TMC2: variants seen among roughly 807,000 people sequenced by gnomAD.
The protein encoded by TMC2 is transmembrane channel-like protein 2.
TMC2 carries 102 observed loss-of-function variants against 105.9 expected under a neutral mutation model. The ratio of observed to expected loss-of-function variants is 0.96; its 90% CI spans 0.82 to 1.14. TMC2 has a LOEUF of 1.14. Ranked by LOEUF, TMC2 falls within the 50% of genes most tolerant of loss-of-function variation. The probability of loss-of-function intolerance (pLI) is 0.00; values close to 1 mark genes in which losing one functional copy is unlikely to be tolerated. For missense variants in TMC2, 1,093 were observed against 1,134.3 expected (o/e 0.96, Z 0.52); for synonymous variants, 402 against 422.8 (o/e 0.95, Z 0.60).
chr20:2,607,955 T>C (rs954951052), intron 11 of TMC2, among the ~76,000 whole-genome samples: 13 of 151,938 alleles, frequency 8.6e-5, no homozygotes, highest in Admixed American at 7.9e-4. Flanking sequence ...TGAAACCTCG[T>C]CTCTACTAAA....
At chr20:2,640,567 A>G (rs1445216339) in intron 19 of TMC2, among the ~76,000 whole-genome samples, 1 of 152,108 alleles carries the variant, frequency 6.6e-6, no homozygotes, top group Non-Finnish European at 1.5e-5. Flanking sequence ...TGCAAGGGGA[A>G]GAGCTTAGGG....
intron 17 of TMC2, among the ~76,000 whole-genome samples, chr20:2,628,995 G>A (rs909764588): frequency 1.3e-5 from 2 of 151,266 alleles, no homozygotes; most frequent in South Asian, 2.1e-4. Context: ...CCAGCTACTC[G>A]GGAGGCTGAG....
rs1051021722 is a variant in TMC2, at chr20:2,616,605, A to G, written c.1940+401A>G. The stretch of plus-strand genomic sequence containing the variant: ...GAGAAAAGAAGGAAGAGAAGGTGGA[A>G]GGTAAATGAACTATGGAACTCCCTC... On this transcript the variant is annotated intron_variant, in intron 15 of 19. Coordinates refer to ENST00000358864, the MANE Select transcript of TMC2 (RefSeq NM_080751.3). This position sits in a 1 kb window ranked among gnomAD's most constrained non-coding sequence, Gnocchi z 4.8. Among the ~76,000 whole-genome samples, 1 of 152,196 alleles carries G rather than the reference A, an allele frequency of 6.6e-6. No individual in the cohort carries two copies. Among genetic ancestry groups the G allele is most frequent in the African/African-American group, 2.4e-5 (1 of 41,448 alleles).
At chr20:2,613,133 G>T in intron 13 of TMC2, 61 bp from the exon 14 acceptor site, 1 of 1,571,872 alleles carries the variant, frequency 6.4e-7, no homozygotes, top group South Asian at 1.2e-5. Flanking sequence ...CAAACTCTCA[G>T]GGAGGGTGGG....
intron 17 of TMC2, among the ~76,000 whole-genome samples, chr20:2,632,107 C>T (rs1202786486): frequency 2.6e-5 from 4 of 151,950 alleles, no homozygotes; most frequent in African/African-American, 9.7e-5. Context: ...CTGCAGCCTC[C>T]ACCTCCCAGG....
In TMC2 at chr20:2,592,324, G is replaced by T; in HGVS notation, c.849G>T (p.Met283Ile). Residue 283 changes from methionine (M) to isoleucine (I), a missense_variant, in exon 8 of 20, where the codon ATG becomes ATT. Coordinates refer to ENST00000358864, the MANE Select transcript of TMC2 (RefSeq NM_080751.3). The surrounding 1 kb of genome is among the most constrained non-coding windows in gnomAD (Gnocchi z 4.9). ...LVIIPEVLMG[M>I]PYGSIPRKTV... ...TTCTGCACAAGGTACTGATGGGCAT[G>T]CCCTATGGGAGTATTCCCAGAAAGA... 2.5e-6 allele frequency: 4 copies of T among 1,612,990 alleles called. No individual in the cohort carries two copies. Among genetic ancestry groups the T allele is most frequent in the Non-Finnish European group, 3.4e-6 (4 of 1,178,966 alleles).
intron 5 of TMC2, among the ~76,000 whole-genome samples, chr20:2,572,568 A>G (rs996710982): frequency 6.6e-6 from 1 of 152,188 alleles, no homozygotes; most frequent in African/African-American, 2.4e-5. Flanking sequence ...CAAACCCCAA[A>G]TCAGGACAGG....
chr20:2,597,274 T>A lies in TMC2; in HGVS notation c.1200T>A (p.Tyr400Ter). The stretch of plus-strand genomic sequence containing the variant: ...ATTCAGAGACAGCTGATAACAAATA[T>A]GCATCCATCACCACCAGCTTCAAGG... ...IGNSETADNK[Y>*]ASITTSFKES... Residue 400 changes from tyrosine to a stop codon, truncating the protein, a stop_gained, in exon 10 of 20, where the codon TAT becomes TAA. Coordinates refer to ENST00000358864, the MANE Select transcript of TMC2 (RefSeq NM_080751.3). LOFTEE classifies it high-confidence loss of function. 6.2e-7 allele frequency: 1 copy of A among 1,613,922 alleles called. No homozygotes were observed. The highest frequency in any genetic ancestry group is 8.5e-7 in the Non-Finnish European group (1 of 1,179,890).
intron 17 of TMC2, among the ~76,000 whole-genome samples, chr20:2,633,651 C>A (rs4597608): frequency 0.76 from 115,158 of 152,076 alleles, 43,732 homozygotes; most frequent in East Asian, 0.87. Flanking sequence ...TTCTCTGGGT[C>A]TGAGGATTTT....
chr20:2,542,640 T>C (rs1281336897), intron 2 of TMC2, among the ~76,000 whole-genome samples: 1 of 151,960 alleles, frequency 6.6e-6, no homozygotes, highest in Non-Finnish European at 1.5e-5. Context: ...ATCCCAGCCA[T>C]AATTTATCAC....
chr20:2,549,503 G>A (rs553783268), intron 2 of TMC2, among the ~76,000 whole-genome samples: 162 of 152,244 alleles, frequency 1.1e-3, no homozygotes, highest in Non-Finnish European at 2.0e-3. Context: ...AGCACTTTGG[G>A]AGGCCAAGGC....
Position 2,602,173 on chromosome 20 carries a change from C to G in TMC2, c.1285C>G (p.Leu429Val). The change falls in exon 11 of 20, where the codon CTT becomes GTT. Residue 429 changes from leucine (L) to valine (V), a missense_variant. Leu to Val is a conservative substitution (Grantham distance 32, BLOSUM62 1). Transcript: ENST00000358864. ...KEENIHLTRF[L>V]RVLANFLIIC... ...AGAAAATATCCATCTGACAAGATTT[C>G]TTCGTGTCCTGGCCAACTTTCTCAT... 6.2e-7 allele frequency: 1 copy of G among 1,613,270 alleles called. No individual in the cohort carries two copies. Among genetic ancestry groups the G allele is most frequent in the Non-Finnish European group, 8.5e-7 (1 of 1,179,644 alleles).
intron 5 of TMC2, among the ~76,000 whole-genome samples, chr20:2,578,020 C>G (rs1036539305): frequency 6.6e-6 from 1 of 151,958 alleles, no homozygotes; most frequent in Non-Finnish European, 1.5e-5. Flanking sequence ...CTGAGGAGAC[C>G]TTTTAATAAT....
At chr20:2,628,951 A>G (rs1475367784) in intron 17 of TMC2, among the ~76,000 whole-genome samples, 3 of 151,634 alleles carry the variant, frequency 2.0e-5, no homozygotes, top group African/African-American at 7.3e-5. Flanking sequence ...AAACACAAAA[A>G]ATTAGCCGGG....
intron 17 of TMC2, among the ~76,000 whole-genome samples, chr20:2,632,107 C>A (rs1202786486): frequency 6.6e-6 from 1 of 151,950 alleles, no homozygotes; most frequent in Non-Finnish European, 1.5e-5. Flanking sequence ...CTGCAGCCTC[C>A]ACCTCCCAGG....
intron 7 of TMC2, among the ~76,000 whole-genome samples, chr20:2,587,529 T>TG (rs1298399727): frequency 6.8e-5 from 1 of 14,644 alleles, no homozygotes; most frequent in African/African-American, 8.8e-4. Context: ...GATTTGGGAA[T>TG]GTTTTTTTTT....
At chr20:2,546,171 T>C (rs2085925249) in intron 2 of TMC2, among the ~76,000 whole-genome samples, 3 of 152,132 alleles carry the variant, frequency 2.0e-5, no homozygotes, top group Admixed American at 2.0e-4. Context: ...TATTGTGGAG[T>C]TGCCATCTAA....
chr20:2,552,777 A>G (rs752195652), intron 2 of TMC2, among the ~76,000 whole-genome samples: 1 of 152,074 alleles, frequency 6.6e-6, no homozygotes, highest in Non-Finnish European at 1.5e-5. Flanking sequence ...TGACCTCCCA[A>G]AGTGCTGGGA....
In TMC2 at chr20:2,624,194, T is replaced by C. The variant is rs1225089066; in HGVS notation, c.2181-77T>C. The stretch of plus-strand genomic sequence containing the variant: ...GGCAGGCAGCAGCCCTGGACCTGGG[T>C]AGGGGGGCCATGGACACAGCTGTGA... On this transcript the variant is annotated intron_variant, in intron 16 of 19. Transcript: ENST00000358864. 7 of 1,497,130 alleles carry C rather than the reference T, an allele frequency of 4.7e-6. No individual in the cohort carries two copies. In the East Asian group the frequency reaches 1.4e-4, roughly 30 times the overall value. The allele number at this position is 1,497,130 out of a possible 1,614,324, so 92.7% of individuals were successfully genotyped here.
Sources: allele counts gnomAD v4.1 joint callset (sites outside exome capture counted in the v4.1 genomes callset), GRCh38; gene constraint gnomAD v4.1.1; non-coding constraint Gnocchi (gnomAD v3.1); transcripts MANE v1.5; gene names NCBI Gene and HGNC (gene_info 2026-07-23, HGNC 2026-07-21).